KRI1: variants seen among roughly 807,000 people sequenced by gnomAD.
KRI1 encodes the protein KRI1 homolog.
KRI1 carries 83 observed loss-of-function variants against 97.0 expected under a neutral mutation model. The observed-to-expected ratio is 0.86, with a 90% CI of 0.72 to 1.03. KRI1 has a LOEUF of 1.03. KRI1 is among the 50% of genes least tolerant of loss of function. The pLI, the probability that KRI1 is intolerant of heterozygous loss-of-function variation, is 0.00. For missense variants in KRI1, 916 were observed against 928.4 expected (o/e 0.99, Z 0.17); for synonymous variants, 371 against 363.5 (o/e 1.02, Z -0.23).
In KRI1 at chr19:10,553,875, G is replaced by A. The variant is rs1916400410; in HGVS notation, c.*76C>T. The A allele has an allele frequency of 2.5e-6, 3 of 1,204,108 alleles. No homozygotes were observed. The highest frequency in any genetic ancestry group is 5.1e-5 in the East Asian group (2 of 39,138). 74.6% of individuals were successfully genotyped at this position (1,204,108 alleles called of 1,614,324 possible). A position where few individuals can be genotyped will look rare whatever the true frequency, so the allele number is the denominator to read the frequency against. ...GATGAGAGGATCTCTGCAGCAGATA[G>A]TACTTGTGGGTGCGAGACCTGTCCA... On this transcript the variant is annotated 3_prime_UTR_variant, in exon 19 of 19. Coordinates refer to ENST00000312962, the MANE Select transcript of KRI1 (RefSeq NM_023008.5).
At position 10,559,373 on chromosome 19, in the gene KRI1, C is replaced by T. The variant is rs773039845; in HGVS notation, c.1180G>A (p.Asp394Asn). 9.3e-6 allele frequency: 15 copies of T among 1,613,642 alleles called. No homozygotes were observed. Among genetic ancestry groups the T allele is most frequent in the African/African-American group, 2.7e-5 (2 of 74,884 alleles). The change falls in exon 12 of 19, where the codon GAC (aspartate) becomes AAC (asparagine). Residue 394 changes from aspartate to asparagine, a missense_variant. By Grantham distance (23) the Asp-to-Asn change is conservative. Around this residue, in one of 3 missense-constraint regions of KRI1, gnomAD observed 672 missense variants for 667.2 expected, o/e 1.01. Transcript: ENST00000312962. ...GAGGGCCGCACCTGCATGAGCTGGT[C>T]GTGCTGGGCAGGGTCGAAGTCGTCT... ...LEDDFDPAQH[D>N]QLMQKCFGDE... is the part of the protein sequence containing the mutation.
At chr19:10,565,672 G>A (rs1368231652) in intron 2 of KRI1, 45 bp downstream of exon 2, 1 of 1,532,134 alleles carries the variant, frequency 6.5e-7, no homozygotes, top group Non-Finnish European at 8.8e-7. Flanking sequence ...TGCAGAGGGG[G>A]GCTTGGACGC....
chr19:10,555,236 C>CCCGCCCTGCCCACAGCGCACCTGGCT (rs6146467), intron 17 of KRI1, 49 bp downstream of exon 17: 10 of 1,604,914 alleles, frequency 6.2e-6, no homozygotes, highest in East Asian at 4.5e-5. Context: ...CCCGAGGCTG[C>CCCGCCCTGCCCACAGCGCACCTGGCT]CCGCCCTGCC....
At chr19:10,562,919 G>T (rs940150748) in intron 3 of KRI1, 82 bp from the exon 4 acceptor site, 10 of 836,714 alleles carry the variant, frequency 1.2e-5, no homozygotes, top group Non-Finnish European at 1.4e-5. Flanking sequence ...GCAGGGCCAG[G>T]GTTAGACAGA....
intron 3 of KRI1, among the ~76,000 whole-genome samples, chr19:10,563,696 C>T (rs1005114000): frequency 2.0e-5 from 3 of 152,100 alleles, no homozygotes; most frequent in Non-Finnish European, 4.4e-5. Context: ...CTTACTCTTG[C>T]TCAGGCTGGA....
chr19:10,561,061 T>C lies in KRI1; in HGVS notation c.605A>G (p.Tyr202Cys), dbSNP rs748831365. 6 of 1,614,040 alleles carry C rather than the reference T, an allele frequency of 3.7e-6. No individual in the cohort carries two copies. In the South Asian group the frequency reaches 6.6e-5, roughly 18 times the overall value. ...RQEKAQEEADYIEWLKGQKEI... is the reference protein window; with the variant it reads ...RQEKAQEEADCIEWLKGQKEI... Reference sequence around the variant, plus strand: ...TTTCTGTCCCTTCAGCCACTCGATGTAGTCGGCCTCCTCCTGGGCCTGGGG... The same window carrying C: ...TTTCTGTCCCTTCAGCCACTCGATGCAGTCGGCCTCCTCCTGGGCCTGGGG... Residue 202 changes from tyrosine (Y) to cysteine (C), a missense_variant, in exon 8 of 19, where the codon TAC becomes TGC. Tyr to Cys is a radical substitution (Grantham distance 194). This residue lies in a region of KRI1 where 672 missense variants were observed against 667.2 expected (regional missense o/e 1.01). Transcript: ENST00000312962.
rs1916356338 is a variant in KRI1 at position 10,553,150 on chromosome 19, G to C, written c.*801C>G. ...GGGTGTGGGATCTTGAGCTCTGGCA[G>C]TGATGATGGTACTTCCTGTTGTCAG... On this transcript the variant is annotated 3_prime_UTR_variant, in exon 19 of 19. Coordinates refer to ENST00000312962, the MANE Select transcript of KRI1 (RefSeq NM_023008.5). 5 of 1,438,878 alleles carry C rather than the reference G, an allele frequency of 3.5e-6. No homozygotes were observed. The highest frequency in any genetic ancestry group is 4.6e-6 in the Non-Finnish European group (5 of 1,083,900). 89.1% of individuals were successfully genotyped at this position (1,438,878 alleles called of 1,614,324 possible). A position where few individuals can be genotyped will look rare whatever the true frequency, so the allele number is the denominator to read the frequency against.
intron 6 of KRI1, 36 bp from the exon 7 acceptor site, chr19:10,561,301 GGCTGGC>G (rs1303537505): frequency 5.7e-6 from 9 of 1,575,188 alleles, no homozygotes; most frequent in African/African-American, 1.3e-5. Flanking sequence ...AGGACAGGCA[GGCTGGC>G]CCCTGTCTGC....
At chr19:10,565,592 C>G (rs1465371952) in intron 2 of KRI1, 125 bp downstream of exon 2, 2 of 1,218,718 alleles carry the variant, frequency 1.6e-6, no homozygotes, top group African/African-American at 3.3e-5. Context: ...GGATGGGGAG[C>G]GGAGGATGGG....
chr19:10,554,799 G>A (rs888727864), intron 18 of KRI1, among the ~76,000 whole-genome samples: 5 of 152,082 alleles, frequency 3.3e-5, no homozygotes, highest in Non-Finnish European at 7.3e-5. Flanking sequence ...AGACCTATGG[G>A]GCATTTACCA....
In KRI1 at chr19:10,565,944, C is replaced by A. The variant is rs1172621981; in HGVS notation, c.56G>T (p.Arg19Leu). The A allele has an allele frequency of 6.5e-7, 1 of 1,530,936 alleles. No homozygotes were observed. Among genetic ancestry groups the A allele is most frequent in the Non-Finnish European group, 8.8e-7 (1 of 1,140,700 alleles). The allele number at this position is 1,530,936 out of a possible 1,614,324, so 94.8% of individuals were successfully genotyped here. The change falls in exon 1 of 19, where the codon CGG becomes CTG. Residue 19 changes from arginine to leucine, a missense_variant. Physicochemically the swap from Arg to Leu is moderately radical, Grantham distance 102 (BLOSUM62 -2). Transcript: ENST00000312962. ...CTCGCGCTCCCGGTAGCGGTTGTAC[C>A]GCGCGGCAAACGCCGCGTTCACCCG... is the stretch of plus-strand genomic sequence containing the variant. ...QLRVNAAFAARYNRYREREEL... is the reference protein window; with the variant it reads ...QLRVNAAFAALYNRYREREEL...
At position 10,557,613 on chromosome 19, in the gene KRI1, AG is replaced by A. The variant is rs778573526; in HGVS notation, c.1555del (p.Leu519CysfsTer30). 1 of 1,614,166 alleles carries A rather than the reference AG, an allele frequency of 6.2e-7. No individual in the cohort carries two copies. The highest frequency in any genetic ancestry group is 8.5e-7 in the Non-Finnish European group (1 of 1,180,014). On this transcript the variant is annotated frameshift_variant, in exon 16 of 19. Coordinates refer to ENST00000312962, the MANE Select transcript of KRI1 (RefSeq NM_023008.5). LOFTEE classifies it high-confidence loss of function. ...RLDYEDIIDD[L>X]PCRFKYRTVV... is the part of the protein sequence containing the mutation. Reference sequence around the variant, plus strand: ...TGTGCGGTACTTGAAGCGACAGGGCAGGTCGTCGATGATGTCCTCGTAGTCC... The same window carrying A: ...TGTGCGGTACTTGAAGCGACAGGGCAGTCGTCGATGATGTCCTCGTAGTCC...
rs753919151 is a variant in KRI1 at position 10,559,341 on chromosome 19, C to A, written c.1194+18G>T. The A allele has an allele frequency of 1.2e-6, 2 of 1,607,290 alleles. No homozygotes were observed. The highest frequency in any genetic ancestry group is 1.1e-5 in the South Asian group (1 of 90,660). On this transcript the variant is annotated intron_variant, in intron 12 of 18. Transcript: ENST00000312962. The stretch of plus-strand genomic sequence containing the variant: ...TGTGTGAACTCAGCGTCATGTTGGG[C>A]CGGGATGAGGGCCGCACCTGCATGA...
chr19:10,563,716 C>T (rs1444484053), intron 3 of KRI1, among the ~76,000 whole-genome samples: 1 of 152,118 alleles, frequency 6.6e-6, no homozygotes, highest in Non-Finnish European at 1.5e-5. Context: ...AGTGCAGTGT[C>T]AACATCCTAG....
rs755573632 is a variant in KRI1, at chr19:10,553,102, TA to T, written c.*848del. The T allele has an allele frequency of 1.7e-5, 27 of 1,549,442 alleles. No homozygotes were observed. The highest frequency in any genetic ancestry group is 2.1e-5 in the Non-Finnish European group (24 of 1,148,974). Reference sequence around the variant, plus strand: ...ATGAGGGGAAAGATACAACACTATTTATTTTTTTATTTATGTCATGTCGGGT... The same window carrying T: ...ATGAGGGGAAAGATACAACACTATTTTTTTTTTATTTATGTCATGTCGGGT... On this transcript the variant is annotated 3_prime_UTR_variant, in exon 19 of 19. Coordinates refer to ENST00000312962, the MANE Select transcript of KRI1 (RefSeq NM_023008.5).
In KRI1 at chr19:10,553,706, G is replaced by T; in HGVS notation, c.*245C>A. 1 of 468,316 alleles carries T rather than the reference G, an allele frequency of 2.1e-6. No homozygotes were observed. The allele number at this position is 468,316 out of a possible 1,614,324, so 29.0% of individuals were successfully genotyped here. On this transcript the variant is annotated 3_prime_UTR_variant, in exon 19 of 19. Coordinates refer to ENST00000312962, the MANE Select transcript of KRI1 (RefSeq NM_023008.5). ...TCTTCCTTCCCCAGCCTCCTGAGTA[G>T]CTGGGACTACAGGCATGTGTCACCA...
chr19:10,557,555 C>T lies in KRI1; in HGVS notation c.1614G>A (p.Glu538=). The change falls in exon 16 of 19, where the codon GAG becomes GAA. Residue 538 remains glutamate (E), a synonymous_variant. Transcript: ENST00000312962. ...VVPCDFGLST[E]EILAADDKEL... is the part of the protein sequence containing the mutation. ...CCTGCCTGCCCGGGGCCCCTACCTC[C>T]TCAGTGCTGAGGCCAAAGTCACAGG... 6.2e-7 allele frequency: 1 copy of T among 1,613,816 alleles called. No homozygotes were observed. Among genetic ancestry groups the T allele is most frequent in the Non-Finnish European group, 8.5e-7 (1 of 1,179,738 alleles).
In KRI1 at chr19:10,553,445, C is replaced by G. The variant is rs900584558; in HGVS notation, c.*506G>C. On this transcript the variant is annotated 3_prime_UTR_variant, in exon 19 of 19. Coordinates refer to ENST00000312962, the MANE Select transcript of KRI1 (RefSeq NM_023008.5). ...CGTGGGTGTGGCTGGGCGCAGCGTT[C>G]TGAGGGGATGTGGGGTCTGGGAGGT... The G allele has an allele frequency of 4.7e-6, 1 of 211,466 alleles. No individual in the cohort carries two copies. The highest frequency in any genetic ancestry group is 9.5e-6 in the Non-Finnish European group (1 of 105,324). The allele number at this position is 211,466 out of a possible 1,614,324, so 13.1% of individuals were successfully genotyped here.
In KRI1 at chr19:10,553,791, A is replaced by G. The variant is rs987820697; in HGVS notation, c.*160T>C. 11 of 645,116 alleles carry G rather than the reference A, an allele frequency of 1.7e-5. No homozygotes were observed. The highest frequency in any genetic ancestry group is 1.7e-4 in the African/African-American group (9 of 54,192). 40.0% of individuals were successfully genotyped at this position (645,116 alleles called of 1,614,324 possible). ...ACGCTGGTCTCCAATTCCTGGGCTCAAGTGATCCTTTCACCTCGGCCTCCC... is the reference window on the plus strand; with the variant it reads ...ACGCTGGTCTCCAATTCCTGGGCTCGAGTGATCCTTTCACCTCGGCCTCCC... On this transcript the variant is annotated 3_prime_UTR_variant, in exon 19 of 19. Coordinates refer to ENST00000312962, the MANE Select transcript of KRI1 (RefSeq NM_023008.5).
Sources: allele counts gnomAD v4.1 joint callset (sites outside exome capture counted in the v4.1 genomes callset), GRCh38; gene constraint gnomAD v4.1.1; regional missense constraint gnomAD v4.1.1; transcripts MANE v1.5; gene names NCBI Gene and HGNC (gene_info 2026-07-23, HGNC 2026-07-21).